The following SCUBE1 variants were observed in gnomAD, a reference collection of about 807,000 sequenced individuals.
SCUBE1 encodes the protein signal peptide, CUB domain and EGF like domain containing 1.
A neutral mutation model predicts 124.4 loss-of-function variants in SCUBE1; 59 were observed. The ratio of observed to expected loss-of-function variants is 0.47; its 90% CI spans 0.38 to 0.59. The LOEUF (loss-of-function observed/expected upper bound fraction) is 0.59. Ranked by LOEUF, SCUBE1 falls within the 20% of genes least tolerant of loss-of-function variation. The probability of loss-of-function intolerance (pLI) is 0.00; values close to 1 mark genes in which losing one functional copy is unlikely to be tolerated. For missense variants in SCUBE1, 1,150 were observed against 1,371.2 expected, an observed-to-expected ratio of 0.84 and a Z score of 2.55; for synonymous variants, 545 against 550.9, an observed-to-expected ratio of 0.99 and a Z score of 0.15.
intron 3 of SCUBE1, among the ~76,000 whole-genome samples, chr22:43,304,690 C>A (rs1925901518): frequency 6.6e-6 from 1 of 152,114 alleles, no homozygotes; most frequent in African/African-American, 2.4e-5. Flanking sequence ...TTTACCACCA[C>A]TACCTGCCCT....
intron 2 of SCUBE1, among the ~76,000 whole-genome samples, chr22:43,329,622 G>A (rs1382090096): frequency 6.6e-6 from 1 of 152,226 alleles, no homozygotes; most frequent in Non-Finnish European, 1.5e-5. Flanking sequence ...AGTGATCAAC[G>A]CCAGCAGCTG....
chr22:43,279,639 G>A (rs1424712691), intron 4 of SCUBE1, among the ~76,000 whole-genome samples: 2 of 152,208 alleles, frequency 1.3e-5, no homozygotes, highest in African/African-American at 2.4e-5. Flanking sequence ...AATGAAGTAG[G>A]AGGCAATCTT....
chr22:43,238,692 G>T, intron 7 of SCUBE1, 146 bp downstream of exon 7: 1 of 752,876 alleles, frequency 1.3e-6, no homozygotes, highest in Non-Finnish European at 2.4e-6. Context: ...CTCTCCAACA[G>T]CAAAGCAAAT....
chr22:43,322,624 C>T (rs1419669991), intron 2 of SCUBE1, among the ~76,000 whole-genome samples: 1 of 152,180 alleles, frequency 6.6e-6, no homozygotes, highest in African/African-American at 2.4e-5. Flanking sequence ...TTTGACTCAG[C>T]AGCCCCCAAA....
chr22:43,338,574 G>A (rs1927161535), intron 2 of SCUBE1, among the ~76,000 whole-genome samples: 2 of 151,896 alleles, frequency 1.3e-5, no homozygotes, highest in Admixed American at 6.5e-5. Flanking sequence ...CGCCCAAGCT[G>A]GAGTGCAGTG....
intron 14 of SCUBE1, among the ~76,000 whole-genome samples, chr22:43,219,560 G>T (rs1921993769): frequency 6.7e-6 from 1 of 150,246 alleles, no homozygotes; most frequent in Admixed American, 6.6e-5. Flanking sequence ...TGCAATCTCT[G>T]CCTCCCAGGT....
intron 7 of SCUBE1, among the ~76,000 whole-genome samples, chr22:43,235,298 T>C (rs1193041580): frequency 6.6e-6 from 1 of 151,798 alleles, no homozygotes; most frequent in Non-Finnish European, 1.5e-5. Context: ...GGGTGAGCTA[T>C]AGGGACGCAC....
At chr22:43,212,390 G>C in intron 17 of SCUBE1, 35 bp downstream of exon 17, 1 of 1,544,312 alleles carries the variant, frequency 6.5e-7, no homozygotes, top group East Asian at 2.4e-5. Flanking sequence ...CCTGCCTCTC[G>C]GGGTGGGCGG....
At chr22:43,284,669 C>G (rs11912915) in intron 4 of SCUBE1, among the ~76,000 whole-genome samples, 5 of 152,224 alleles carry the variant, frequency 3.3e-5, no homozygotes, top group South Asian at 2.1e-4. Flanking sequence ...ACTGTAAGGA[C>G]GCAATGAATG....
chr22:43,238,538 C>G (rs939385587), intron 7 of SCUBE1: 7 of 593,916 alleles, frequency 1.2e-5, no homozygotes, highest in Admixed American at 5.9e-5. Flanking sequence ...GAGACGCTGG[C>G]TTAACTGTTT....
intron 2 of SCUBE1, among the ~76,000 whole-genome samples, chr22:43,326,791 C>T (rs928564073): frequency 3.9e-5 from 6 of 152,056 alleles, no homozygotes; most frequent in African/African-American, 1.4e-4. Flanking sequence ...TATGTGGCTT[C>T]AGACCTCCAC....
At chr22:43,305,223 C>T (rs568824869) in intron 3 of SCUBE1, among the ~76,000 whole-genome samples, 12 of 152,286 alleles carry the variant, frequency 7.9e-5, no homozygotes, top group Non-Finnish European at 1.0e-4. Flanking sequence ...ACACTGGACA[C>T]GGACATCAGG....
chr22:43,246,309 T>C lies in SCUBE1; in HGVS notation c.728-7355A>G, dbSNP rs546931312. On this transcript the variant is annotated intron_variant, in intron 6 of 21. Transcript: ENST00000360835. The stretch of plus-strand genomic sequence containing the variant: ...CCCTGGGGCCCACCCACAGGAGGCA[T>C]CATGGCCGTGCCCCAGGAGGCTTGG... Among the ~76,000 whole-genome samples the C allele has an allele frequency of 6.4e-4, 97 of 152,182 alleles. 1 individual carries two copies. The highest frequency in any genetic ancestry group is 1.7e-3 in the African/African-American group (69 of 41,518).
intron 3 of SCUBE1, among the ~76,000 whole-genome samples, chr22:43,310,448 C>T (rs1198638468): frequency 2.0e-5 from 3 of 152,200 alleles, no homozygotes; most frequent in Non-Finnish European, 4.4e-5. Flanking sequence ...GTGGAAAGAC[C>T]ACATAAAGAG....
rs570090272 is a variant in SCUBE1, at chr22:43,254,267, A to T, written c.727+3952T>A. ...GAGGGCCACACCTGTCCTGTCTAGC[A>T]TGGACTTAGGGTCATAGAGCACCGT... is the stretch of plus-strand genomic sequence containing the variant. On this transcript the variant is annotated intron_variant, in intron 6 of 21. Transcript: ENST00000360835. Among the ~76,000 whole-genome samples the T allele has an allele frequency of 2.6e-5, 4 of 151,918 alleles. No individual in the cohort carries two copies. The South Asian group carries it at 8.3e-4, about 31-fold the overall frequency.
chr22:43,304,073 G>C (rs752318053), intron 3 of SCUBE1, among the ~76,000 whole-genome samples: 1 of 152,146 alleles, frequency 6.6e-6, no homozygotes, highest in Non-Finnish European at 1.5e-5. Flanking sequence ...TTCATTTAAG[G>C]GATTATTGCC....
chr22:43,212,706 C>A (rs1921623268), intron 16 of SCUBE1, 114 bp from the exon 17 acceptor site: 1 of 1,094,428 alleles, frequency 9.1e-7, no homozygotes, highest in Non-Finnish European at 1.3e-6. Context: ...AGGTACTGGG[C>A]ACCCGAGGCC....
intron 3 of SCUBE1, among the ~76,000 whole-genome samples, chr22:43,301,316 G>C (rs1177055590): frequency 1.3e-5 from 2 of 151,990 alleles, no homozygotes; most frequent in Non-Finnish European, 2.9e-5. Context: ...CTGCCTGAAA[G>C]CCCACAAAGG....
chr22:43,292,445 GCTT>G (rs1217866738), intron 3 of SCUBE1, among the ~76,000 whole-genome samples: 1 of 152,032 alleles, frequency 6.6e-6, no homozygotes, highest in Non-Finnish European at 1.5e-5. Context: ...TGAAAGAAGG[GCTT>G]CTTAAACCTT....
Sources: allele counts gnomAD v4.1 joint callset (sites outside exome capture counted in the v4.1 genomes callset), GRCh38; gene constraint gnomAD v4.1.1; transcripts MANE v1.5; gene names NCBI Gene and HGNC (gene_info 2026-07-23, HGNC 2026-07-21).